KRT71: variants seen among roughly 807,000 people sequenced by gnomAD.
The protein encoded by KRT71 is keratin 71.
KRT71 carries 42 observed loss-of-function variants against 46.2 expected under a neutral mutation model. The ratio of observed to expected loss-of-function variants is 0.91; its 90% CI spans 0.71 to 1.18. KRT71 has a LOEUF of 1.18. KRT71 is among the 50% of genes most tolerant of loss of function. KRT71 has a pLI of 0.00. For synonymous variants in KRT71, 292 were observed against 277.8 expected (o/e 1.05, Z -0.51); for missense variants, 708 against 677.9 (o/e 1.04, Z -0.49).
rs192326100 is a variant in KRT71 at position 52,543,947 on chromosome 12, G to T, written c.*585C>A. The T allele has an allele frequency of 2.5e-5, 4 of 157,006 alleles. No homozygotes were observed. The highest frequency in any genetic ancestry group is 5.7e-5 in the Non-Finnish European group (4 of 70,654). The allele number at this position is 157,006 out of a possible 1,614,324, so 9.7% of individuals were successfully genotyped here. ...TTTATTGAGGTTGCAACAGAGGAAG[G>T]CCATTAAGAATAAAGGAAAAGTGAA... On this transcript the variant is annotated 3_prime_UTR_variant, in exon 9 of 9. Transcript: ENST00000267119.
At chr12:52,548,100 A>T in intron 5 of KRT71, 52 bp downstream of exon 5, 4 of 1,604,054 alleles carry the variant, frequency 2.5e-6, no homozygotes, top group Non-Finnish European at 3.4e-6. Flanking sequence ...ATCTGTCTCC[A>T]TCTGCTGCCC....
chr12:52,547,499 G>A (rs1314745905), intron 6 of KRT71, among the ~76,000 whole-genome samples: 1 of 152,158 alleles, frequency 6.6e-6, no homozygotes, highest in African/African-American at 2.4e-5. Context: ...GGGGAAACAG[G>A]GTACAAAGCA....
In KRT71 at chr12:52,553,011, C is replaced by T; in HGVS notation, c.67G>A (p.Val23Met). ...GAGGATGAGCTGCCCCCTGAGAGCA[C>T]AGCTGAGCAGCCACTGAAGCCCCCC... ...AKGGFSGCSA[V>M]LSGGSSSSFR... Residue 23 changes from valine (V) to methionine (M), a missense_variant, in exon 1 of 9, where the codon GTG becomes ATG. Transcript: ENST00000267119. 2.5e-6 allele frequency: 4 copies of T among 1,610,238 alleles called. No individual in the cohort carries two copies. The highest frequency in any genetic ancestry group is 1.1e-5 in the South Asian group (1 of 90,684).
chr12:52,544,629 C>T lies in KRT71; in HGVS notation c.1475G>A (p.Gly492Asp). 1 of 1,614,124 alleles carries T rather than the reference C, an allele frequency of 6.2e-7. No individual in the cohort carries two copies. The highest frequency in any genetic ancestry group is 8.5e-7 in the Non-Finnish European group (1 of 1,180,030). ...NCISGVCSVR[G>D]GEGRSRGSAN... ...ACTGCCCCGGCTCCTGCCCTCCCCG[C>T]CTCTCACGCTGCACACTCCAGAGAT... The change falls in exon 9 of 9, where the codon GGC becomes GAC. Residue 492 changes from glycine (G) to aspartate (D), a missense_variant. By Grantham distance (94) the Gly-to-Asp change is moderately conservative. Coordinates refer to ENST00000267119, the MANE Select transcript of KRT71 (RefSeq NM_033448.3).
In KRT71 at chr12:52,544,442, T is replaced by C; in HGVS notation, c.*90A>G. On this transcript the variant is annotated 3_prime_UTR_variant, in exon 9 of 9. Transcript: ENST00000267119. ...GTGTATGGGAGCAGGACCAGCAGGG[T>C]GGAGATGGAGCTGAGAGTGGGCTGT... is the stretch of plus-strand genomic sequence containing the variant. The C allele has an allele frequency of 8.6e-7, 1 of 1,166,038 alleles. No individual in the cohort carries two copies. Among genetic ancestry groups the C allele is most frequent in the East Asian group, 2.3e-5 (1 of 42,616 alleles). The allele number at this position is 1,166,038 out of a possible 1,614,324, so 72.2% of individuals were successfully genotyped here. A position where few individuals can be genotyped will look rare whatever the true frequency, so the allele number is the denominator to read the frequency against.
At chr12:52,549,994 A>G in intron 2 of KRT71, 35 bp downstream of exon 2, 1 of 1,609,862 alleles carries the variant, frequency 6.2e-7, no homozygotes, top group Non-Finnish European at 8.5e-7. Flanking sequence ...GGACAAGGGC[A>G]GTTGTCCAGT....
At chr12:52,551,669 A>T (rs561064497) in intron 1 of KRT71, among the ~76,000 whole-genome samples, 17 of 152,092 alleles carry the variant, frequency 1.1e-4, no homozygotes, top group African/African-American at 4.1e-4. Flanking sequence ...AGCCAACAGA[A>T]CCCTCCAGTC....
intron 1 of KRT71, among the ~76,000 whole-genome samples, chr12:52,550,456 C>T (rs530737381): frequency 1.2e-4 from 18 of 152,276 alleles, no homozygotes; most frequent in South Asian, 2.1e-4. Context: ...CGGTGGAGCC[C>T]GGAACTGAAT....
At chr12:52,548,044 G>T in intron 5 of KRT71, 62 bp from the exon 6 acceptor site, 1 of 1,605,708 alleles carries the variant, frequency 6.2e-7, no homozygotes, top group South Asian at 1.1e-5. Context: ...CTTGGGATCA[G>T]AACACAACAG....
chr12:52,544,690 C>A lies in KRT71; in HGVS notation c.1414G>T (p.Val472Phe), dbSNP rs144618122. 8,873 of 1,613,508 alleles carry A rather than the reference C, an allele frequency of 5.5e-3. 33 individuals are homozygous for A. The highest frequency in any genetic ancestry group is 6.8e-3 in the Non-Finnish European group (8,042 of 1,179,880). ...CTGTTGGCCACATAGCCACCGCTGA[C>A]CATGCTGGGCCGGAAGCCATAGACA... ...GSVYGFRPSM[V>F]SGGYVANSSN... is the part of the protein sequence containing the mutation. Residue 472 changes from valine to phenylalanine, a missense_variant, in exon 9 of 9, where the codon GTC (valine) becomes TTC (phenylalanine). Transcript: ENST00000267119.
chr12:52,548,701 G>C lies in KRT71; in HGVS notation c.813C>G (p.Ala271=). ...GAACCAAGTGGGCAGACAGACTTACGGCTTCAAAGAGACACCTGAAGAACT... is the reference window on the plus strand; with the variant it reads ...GAACCAAGTGGGCAGACAGACTTACCGCTTCAAAGAGACACCTGAAGAACT... ...EIKFFRCLFE[A]EITQIQSHIS... Residue 271 remains alanine, a splice_region_variant and synonymous_variant, in exon 4 of 9, where the codon GCC becomes GCG. Coordinates refer to ENST00000267119, the MANE Select transcript of KRT71 (RefSeq NM_033448.3). The C allele has an allele frequency of 1.2e-6, 2 of 1,613,704 alleles. No individual in the cohort carries two copies. The highest frequency in any genetic ancestry group is 1.7e-6 in the Non-Finnish European group (2 of 1,179,616).
chr12:52,544,687 T>G lies in KRT71; in HGVS notation c.1417A>C (p.Ser473Arg), dbSNP rs375249223. The change falls in exon 9 of 9, where the codon AGC becomes CGC. Residue 473 changes from serine to arginine, a missense_variant. Physicochemically the swap from Ser to Arg is moderately radical, Grantham distance 110. Coordinates refer to ENST00000267119, the MANE Select transcript of KRT71 (RefSeq NM_033448.3). ...SVYGFRPSMVSGGYVANSSNC... is the reference protein window; with the variant it reads ...SVYGFRPSMVRGGYVANSSNC... ...CTGCTGTTGGCCACATAGCCACCGCTGACCATGCTGGGCCGGAAGCCATAG... is the reference window on the plus strand; with the variant it reads ...CTGCTGTTGGCCACATAGCCACCGCGGACCATGCTGGGCCGGAAGCCATAG... 4 of 1,613,584 alleles carry G rather than the reference T, an allele frequency of 2.5e-6. No homozygotes were observed. The African/African-American group carries it at 5.3e-5, about 22-fold the overall frequency.
At position 52,547,706 on chromosome 12, in the gene KRT71, G is replaced by A. The variant is rs368698995; in HGVS notation, c.1104+151C>T. The A allele has an allele frequency of 8.8e-5, 82 of 933,256 alleles. No individual in the cohort carries two copies. In the Middle Eastern group the frequency reaches 1.0e-3, roughly 12 times the overall value. The allele number at this position is 933,256 out of a possible 1,614,324, so 57.8% of individuals were successfully genotyped here. A position where few individuals can be genotyped will look rare whatever the true frequency, so the allele number is the denominator to read the frequency against. On this transcript the variant is annotated intron_variant, in intron 6 of 8. Transcript: ENST00000267119. The stretch of plus-strand genomic sequence containing the variant: ...TCAGAGATGAGTAGCCCCCAGGGAC[G>A]TCCTGCTCCAGGTGTTTGAGGCAGC...
chr12:52,549,744 A>C (rs764771268), intron 2 of KRT71, among the ~76,000 whole-genome samples: 1 of 152,144 alleles, frequency 6.6e-6, no homozygotes, highest in Admixed American at 6.5e-5. Context: ...CTCCTCTTAC[A>C]TGGGAGGAGA....
chr12:52,544,966 A>G (rs1939034928), intron 8 of KRT71, among the ~76,000 whole-genome samples: 1 of 152,150 alleles, frequency 6.6e-6, no homozygotes, highest in African/African-American at 2.4e-5. Context: ...TAATGCTCAG[A>G]GGCCCTACTC....
In KRT71 at chr12:52,548,778, C is replaced by T. The variant is rs761041189; in HGVS notation, c.736G>A (p.Ala246Thr). ...LLKKDVDAAY[A>T]NKVELQAKVE... is the part of the protein sequence containing the mutation. Reference sequence around the variant, plus strand: ...TTGGCCTGCAGTTCCACCTTATTGGCGTAAGCAGCATCCACATCCTGAAAG... The same window carrying T: ...TTGGCCTGCAGTTCCACCTTATTGGTGTAAGCAGCATCCACATCCTGAAAG... Residue 246 changes from alanine to threonine, a missense_variant, in exon 4 of 9, where the codon GCC (alanine) becomes ACC (threonine). Ala to Thr is a moderately conservative substitution (Grantham distance 58). Transcript: ENST00000267119. The T allele has an allele frequency of 1.2e-5, 19 of 1,614,088 alleles. No homozygotes were observed. The highest frequency in any genetic ancestry group is 2.2e-5 in the South Asian group (2 of 91,080).
At position 52,550,013 on chromosome 12, in the gene KRT71, G is replaced by A; in HGVS notation, c.656+16C>T. The A allele has an allele frequency of 6.2e-7, 1 of 1,613,778 alleles. No homozygotes were observed. The highest frequency in any genetic ancestry group is 1.3e-5 in the African/African-American group (1 of 75,040). On this transcript the variant is annotated intron_variant, in intron 2 of 8. Transcript: ENST00000267119. ...AAGGGCAGTTGTCCAGTTACAGGGGGACTCCTCCTGCTCACCTCTTCTTGT... is the reference window on the plus strand; with the variant it reads ...AAGGGCAGTTGTCCAGTTACAGGGGAACTCCTCCTGCTCACCTCTTCTTGT...
At chr12:52,550,777 A>G (rs1423969481) in intron 1 of KRT71, among the ~76,000 whole-genome samples, 2 of 152,244 alleles carry the variant, frequency 1.3e-5, no homozygotes, top group East Asian at 1.9e-4. Flanking sequence ...TGCAACAAGC[A>G]TGGCACATGG....
intron 6 of KRT71, among the ~76,000 whole-genome samples, chr12:52,546,873 A>G (rs1416460414): frequency 6.6e-6 from 1 of 152,208 alleles, no homozygotes; most frequent in Admixed American, 6.5e-5. Context: ...GGCAGACGCA[A>G]AGGCAGCAGC....
Sources: allele counts gnomAD v4.1 joint callset (sites outside exome capture counted in the v4.1 genomes callset), GRCh38; gene constraint gnomAD v4.1.1; transcripts MANE v1.5; gene names NCBI Gene and HGNC (gene_info 2026-07-23, HGNC 2026-07-21).